The following TMEM132C variants were observed in gnomAD, a reference collection of about 807,000 sequenced individuals.
TMEM132C encodes protein phosphatase 1, regulatory subunit 152.
TMEM132C carries 29 observed loss-of-function variants against 61.4 expected under a neutral mutation model. That is an observed-to-expected ratio of 0.47 (90% CI 0.35 to 0.64). The LOEUF (loss-of-function observed/expected upper bound fraction) is 0.64. Ranked by LOEUF, TMEM132C falls within the 30% of genes least tolerant of loss-of-function variation. The pLI is 0.00. For missense variants in TMEM132C, 1,408 were observed against 1,476.9 expected (o/e 0.95, Z 0.76); for synonymous variants, 656 against 633.1 (o/e 1.04, Z -0.54).
intron 3 of TMEM132C, among the ~76,000 whole-genome samples, chr12:128,590,958 T>A (rs1451255713): frequency 6.6e-6 from 1 of 152,112 alleles, no homozygotes; most frequent in Non-Finnish European, 1.5e-5. Context: ...TATAATTTTA[T>A]GATTTGTAGA....
At position 128,605,442 on chromosome 12, in the gene TMEM132C, G is replaced by C. The variant is rs189536166; in HGVS notation, c.1122-10710G>C. ...TCACCCACATTGTGGGGGGCCAAGG[G>C]CTTCACTCAGCTGAGGTGTTAATTT... On this transcript the variant is annotated intron_variant, in intron 3 of 8. Transcript: ENST00000435159. Among the ~76,000 whole-genome samples the C allele has an allele frequency of 8.5e-4, 129 of 152,256 alleles. No individual in the cohort carries two copies. The East Asian group carries it at 0.02, about 24-fold the overall frequency.
At chr12:128,578,155 G>A (rs1431792061) in intron 3 of TMEM132C, among the ~76,000 whole-genome samples, 5 of 152,190 alleles carry the variant, frequency 3.3e-5, no homozygotes, top group Non-Finnish European at 5.9e-5. Context: ...TTCCCTCCAC[G>A]CCAGTGGAGC....
rs77546361 is a variant in TMEM132C at position 128,286,915 on chromosome 12, T to C, written c.85+19428T>C. Reference sequence around the variant, plus strand: ...ACTTGAGAGAGAGGGGTAGAAAGAGTAAAGATGTTGGTCAAGAGAATAAGA... The same window carrying C: ...ACTTGAGAGAGAGGGGTAGAAAGAGCAAAGATGTTGGTCAAGAGAATAAGA... On this transcript the variant is annotated intron_variant, in intron 1 of 8. Coordinates refer to ENST00000435159, the MANE Select transcript of TMEM132C (RefSeq NM_001136103.3). 2.8e-3 allele frequency among the ~76,000 whole-genome samples: 425 copies of C among 151,618 alleles called. 8 individuals are homozygous for C. In the East Asian group the frequency reaches 0.05, roughly 18 times the overall value.
intron 2 of TMEM132C, among the ~76,000 whole-genome samples, chr12:128,450,873 G>A (rs1870154263): frequency 1.3e-5 from 2 of 152,020 alleles, no homozygotes; most frequent in African/African-American, 4.8e-5. Flanking sequence ...TTATTAATTG[G>A]CGCATATGCC....
chr12:128,484,891 G>C (rs371537704), intron 2 of TMEM132C, among the ~76,000 whole-genome samples: 1 of 152,026 alleles, frequency 6.6e-6, no homozygotes, highest in Non-Finnish European at 1.5e-5. Flanking sequence ...CCAGGAGTTC[G>C]AGGCTGCAGT....
rs144205281 is a variant in TMEM132C at position 128,698,475 on chromosome 12, A to G, written c.2121+1060A>G. 2.0e-3 allele frequency among the ~76,000 whole-genome samples: 307 copies of G among 152,338 alleles called. 4 individuals carry two copies. In the East Asian group the frequency reaches 0.033, roughly 16 times the overall value. ...ATCACAGCTGTGTCCGTTACCACCT[A>G]TGTAACCTCAGGCAAGACGCCTCAC... On this transcript the variant is annotated intron_variant, in intron 8 of 8. Coordinates refer to ENST00000435159, the MANE Select transcript of TMEM132C (RefSeq NM_001136103.3).
intron 2 of TMEM132C, among the ~76,000 whole-genome samples, chr12:128,420,328 G>T (rs534936750): frequency 6.6e-6 from 1 of 152,344 alleles, no homozygotes; most frequent in East Asian, 1.9e-4. Context: ...GGCAGGCTTT[G>T]TTGAAAAAGT....
chr12:128,587,219 T>G (rs1875581178), intron 3 of TMEM132C, among the ~76,000 whole-genome samples: 1 of 152,170 alleles, frequency 6.6e-6, no homozygotes. Context: ...TATAATGAAG[T>G]GCCATGGCCT....
At chr12:128,488,268 C>T (rs1266482422) in intron 2 of TMEM132C, among the ~76,000 whole-genome samples, 3 of 152,204 alleles carry the variant, frequency 2.0e-5, no homozygotes, top group Non-Finnish European at 4.4e-5. Context: ...TATTGGAGAG[C>T]AGTGCTCTGA....
intron 1 of TMEM132C, among the ~76,000 whole-genome samples, chr12:128,279,715 C>T (rs993263404): frequency 1.5e-4 from 23 of 152,206 alleles, no homozygotes; most frequent in African/African-American, 5.1e-4. Flanking sequence ...AAGGGCACCT[C>T]CTCATGGAAG....
chr12:128,402,961 G>A (rs1226439712), intron 1 of TMEM132C, among the ~76,000 whole-genome samples: 1 of 152,200 alleles, frequency 6.6e-6, no homozygotes, highest in African/African-American at 2.4e-5. Flanking sequence ...AGCGCTCCCA[G>A]AGAAAAGGGG....
In TMEM132C at chr12:128,688,857, G is replaced by A. The variant is rs571781929; in HGVS notation, c.1450-4972G>A. Among the ~76,000 whole-genome samples, 39 of 152,224 alleles carry A rather than the reference G, an allele frequency of 2.6e-4. No individual in the cohort carries two copies. In the South Asian group the frequency reaches 6.8e-3, roughly 27 times the overall value. On this transcript the variant is annotated intron_variant, in intron 5 of 8. Coordinates refer to ENST00000435159, the MANE Select transcript of TMEM132C (RefSeq NM_001136103.3). ...TTTCTTTGCTGGAGTTCAGTGGTGC[G>A]ATCTCAGCTCACTGTAACCTCTGCC...
intron 4 of TMEM132C, among the ~76,000 whole-genome samples, chr12:128,663,103 C>A (rs957581629): frequency 3.8e-4 from 58 of 152,316 alleles, no homozygotes; most frequent in South Asian, 1.2e-3. Flanking sequence ...AGATATAATT[C>A]TCATGCCATA....
intron 3 of TMEM132C, among the ~76,000 whole-genome samples, chr12:128,594,717 T>C (rs979261695): frequency 4.6e-5 from 7 of 152,202 alleles, no homozygotes; most frequent in African/African-American, 1.7e-4. Context: ...CACAGTGTTA[T>C]TCAATTCCCC....
chr12:128,269,347 C>CGTGTGTGTGTGTGT (rs58843737), intron 1 of TMEM132C, among the ~76,000 whole-genome samples: 6,488 of 143,060 alleles, frequency 0.045, 434 homozygotes, highest in African/African-American at 0.13. Context: ...GCTCACATTC[C>CGTGTGTGTGTGTGT]GTGTGTGTGT....
chr12:128,354,756 A>C (rs145096317), intron 1 of TMEM132C, among the ~76,000 whole-genome samples: 2,022 of 152,332 alleles, frequency 0.013, 35 homozygotes, highest in African/African-American at 0.046. Context: ...TCTGCAGAAC[A>C]CTGAGACCGG....
intron 4 of TMEM132C, among the ~76,000 whole-genome samples, chr12:128,664,057 CACAGGCACACACACAT>C (rs1954430100): frequency 2.3e-5 from 1 of 42,976 alleles, no homozygotes; most frequent in Non-Finnish European, 5.9e-5. Context: ...CGCGGGCACT[CACAGGCACACACACAT>C]ACAGGCACAA....
chr12:128,455,761 C>G (rs1047983838), intron 2 of TMEM132C, among the ~76,000 whole-genome samples: 1 of 152,088 alleles, frequency 6.6e-6, no homozygotes, highest in African/African-American at 2.4e-5. Flanking sequence ...GCCAAGGAAA[C>G]GAAGACAAAA....
At chr12:128,332,073 T>G (rs1462840473) in intron 1 of TMEM132C, among the ~76,000 whole-genome samples, 2 of 152,228 alleles carry the variant, frequency 1.3e-5, no homozygotes, top group East Asian at 1.9e-4. Flanking sequence ...ATGGGACATA[T>G]GATGATGCCA....
Sources: gnomAD v4.1 joint callset for allele counts (sites outside exome capture counted in the v4.1 genomes callset) on GRCh38, gnomAD v4.1.1 for gene constraint, MANE v1.5 for transcripts, NCBI Gene and HGNC (gene_info 2026-07-23, HGNC 2026-07-21) for gene names.